ADCY2: variants seen among roughly 807,000 people sequenced by gnomAD.
The protein encoded by ADCY2 is adenylate cyclase 2.
ADCY2 carries 31 observed loss-of-function variants against 125.2 expected under a neutral mutation model. The ratio of observed to expected loss-of-function variants is 0.25; its 90% CI spans 0.19 to 0.33. The LOEUF (loss-of-function observed/expected upper bound fraction) is 0.33, where lower values mean the gene tolerates loss of function less well. Ranked by LOEUF, ADCY2 falls within the 10% of genes least tolerant of loss-of-function variation. The pLI is 1.00. For missense variants in ADCY2, 904 were observed against 1,418.2 expected (o/e 0.64, Z 5.82); for synonymous variants, 512 against 548.4 (o/e 0.93, Z 0.93).
Position 7,665,828 on chromosome 5 carries a change from C to CTTTTTT in ADCY2, c.721-24840_721-24835dup, listed in dbSNP as rs70940750. Among the ~76,000 whole-genome samples, 37 of 38,634 alleles carry CTTTTTT rather than the reference C, an allele frequency of 9.6e-4. 10 individuals are homozygous for CTTTTTT. The highest frequency in any genetic ancestry group is 2.7e-3 in the African/African-American group (26 of 9,634). The allele number at this position is 38,634 out of a possible 152,430, so 25.3% of individuals were successfully genotyped here. On this transcript the variant is annotated intron_variant, in intron 4 of 24. Coordinates refer to ENST00000338316, the MANE Select transcript of ADCY2 (RefSeq NM_020546.3). ...TGTTTTGTTTTTTTTTAATTTAATT[C>CTTTTTT]TTTTTTTTTTTTTTTTTTTTTTTTT...
At position 7,762,700 on chromosome 5, in the gene ADCY2, G is replaced by A. The variant is rs1215601557; in HGVS notation, c.2095-3987G>A. On this transcript the variant is annotated intron_variant, in intron 16 of 24. Transcript: ENST00000338316. ...CCTGGAGCAGTTTCTGGTTAAAGGAGTACAGCTTTTCATGTTTTTCTCCGT... is the reference window on the plus strand; with the variant it reads ...CCTGGAGCAGTTTCTGGTTAAAGGAATACAGCTTTTCATGTTTTTCTCCGT... Among the ~76,000 whole-genome samples the A allele has an allele frequency of 2.0e-5, 3 of 151,468 alleles. No homozygotes were observed. In the East Asian group the frequency reaches 5.8e-4, roughly 29 times the overall value.
chr5:7,630,798 T>C (rs948201442), intron 4 of ADCY2, among the ~76,000 whole-genome samples: 1 of 150,622 alleles, frequency 6.6e-6, no homozygotes, highest in Non-Finnish European at 1.5e-5. Context: ...CTTTTTTTTT[T>C]TTTTTTGAGA....
chr5:7,640,677 T>C (rs1738669663), intron 4 of ADCY2, among the ~76,000 whole-genome samples: 2 of 152,020 alleles, frequency 1.3e-5, no homozygotes, highest in Non-Finnish European at 2.9e-5. Context: ...ATTTTTTTTT[T>C]CATTTAATTG....
chr5:7,425,309 C>A (rs556564546), intron 2 of ADCY2, among the ~76,000 whole-genome samples: 2 of 152,178 alleles, frequency 1.3e-5, no homozygotes, highest in African/African-American at 4.8e-5. Context: ...TTTTTGATGG[C>A]GGCTATCTTA....
At chr5:7,778,834 A>G (rs1743823975) in intron 18 of ADCY2, among the ~76,000 whole-genome samples, 1 of 152,272 alleles carries the variant, frequency 6.6e-6, no homozygotes, top group Non-Finnish European at 1.5e-5. Context: ...TATCCCACAC[A>G]GGAAAGGTCA....
chr5:7,564,568 A>G (rs1280039076), intron 3 of ADCY2, among the ~76,000 whole-genome samples: 1 of 152,130 alleles, frequency 6.6e-6, no homozygotes, highest in Non-Finnish European at 1.5e-5. Context: ...CCTGTGTGCC[A>G]TGTCCCTGCC....
chr5:7,673,726 A>G lies in ADCY2; in HGVS notation c.721-16965A>G, dbSNP rs190924134. On this transcript the variant is annotated intron_variant, in intron 4 of 24. Coordinates refer to ENST00000338316, the MANE Select transcript of ADCY2 (RefSeq NM_020546.3). ...AGAATGCAGCCCCGCAGGAAAGCCA[A>G]TAGGCAAGAGGTGGGGGACAGGGGA... 3.7e-3 allele frequency among the ~76,000 whole-genome samples: 562 copies of G among 152,274 alleles called. 5 individuals are homozygous for G. The highest frequency in any genetic ancestry group is 0.013 in the African/African-American group (534 of 41,566).
chr5:7,413,599 G>A (rs1479831128), intron 1 of ADCY2, among the ~76,000 whole-genome samples: 1 of 148,002 alleles, frequency 6.8e-6, no homozygotes, highest in East Asian at 2.0e-4. Flanking sequence ...CACCCGGCCG[G>A]TTTTTTTTTT....
intron 4 of ADCY2, among the ~76,000 whole-genome samples, chr5:7,651,380 G>A (rs1020813123): frequency 2.0e-5 from 3 of 152,140 alleles, no homozygotes; most frequent in African/African-American, 7.2e-5. Flanking sequence ...TGAGGATCCA[G>A]GAAGCCTCAT....
At chr5:7,547,225 A>G (rs2126568714) in intron 3 of ADCY2, among the ~76,000 whole-genome samples, 1 of 152,210 alleles carries the variant, frequency 6.6e-6, no homozygotes, top group Non-Finnish European at 1.5e-5. Flanking sequence ...CTCTCATCCA[A>G]TGCTATGGTG....
intron 4 of ADCY2, among the ~76,000 whole-genome samples, chr5:7,687,673 A>G (rs1256581582): frequency 1.3e-5 from 2 of 152,194 alleles, no homozygotes; most frequent in East Asian, 3.9e-4. Context: ...CTACCTCTTC[A>G]TTAGCGGACA....
chr5:7,731,159 T>C (rs369410982), intron 14 of ADCY2, among the ~76,000 whole-genome samples: 2 of 152,288 alleles, frequency 1.3e-5, no homozygotes, highest in Middle Eastern at 3.4e-3. Context: ...ATTGTTTTCA[T>C]ATCTAAGAAG....
chr5:7,804,270 TAGTC>T (rs760508644), intron 21 of ADCY2, among the ~76,000 whole-genome samples: 2 of 152,154 alleles, frequency 1.3e-5, no homozygotes, highest in Admixed American at 6.5e-5. Flanking sequence ...TTCAAATACA[TAGTC>T]AGGAAATTTA....
At chr5:7,566,434 T>C (rs1324455268) in intron 3 of ADCY2, among the ~76,000 whole-genome samples, 2 of 151,830 alleles carry the variant, frequency 1.3e-5, no homozygotes, top group Non-Finnish European at 2.9e-5. Context: ...AGTTTGAAGC[T>C]CCAGTGAGAT....
intron 3 of ADCY2, among the ~76,000 whole-genome samples, chr5:7,617,194 C>G (rs921866927): frequency 3.9e-5 from 6 of 152,242 alleles, no homozygotes; most frequent in African/African-American, 1.4e-4. Flanking sequence ...AGGCTCCTTC[C>G]TGGAATGAGA....
At chr5:7,639,456 C>A (rs1738619553) in intron 4 of ADCY2, among the ~76,000 whole-genome samples, 1 of 152,178 alleles carries the variant, frequency 6.6e-6, no homozygotes, top group African/African-American at 2.4e-5. Context: ...GGAGCTGCCA[C>A]CTGTGGCTTT....
chr5:7,786,405 G>A (rs879055580), intron 19 of ADCY2, among the ~76,000 whole-genome samples: 1 of 152,268 alleles, frequency 6.6e-6, no homozygotes, highest in African/African-American at 2.4e-5. Context: ...CTCAGTTACT[G>A]TATTTCCTGA....
intron 2 of ADCY2, among the ~76,000 whole-genome samples, chr5:7,507,764 C>T (rs1388547156): frequency 6.6e-6 from 1 of 152,082 alleles, no homozygotes; most frequent in African/African-American, 2.4e-5. Flanking sequence ...AACATGAATA[C>T]CCCGTGTACT....
chr5:7,703,764 A>G (rs1741167733), intron 7 of ADCY2, among the ~76,000 whole-genome samples: 1 of 152,138 alleles, frequency 6.6e-6, no homozygotes, highest in Non-Finnish European at 1.5e-5. Flanking sequence ...CTGTGAAGAA[A>G]GTCATTGGTC....
Sources: gnomAD v4.1 joint callset for allele counts (sites outside exome capture counted in the v4.1 genomes callset) on GRCh38, gnomAD v4.1.1 for gene constraint, MANE v1.5 for transcripts, NCBI Gene and HGNC (gene_info 2026-07-23, HGNC 2026-07-21) for gene names.